Variants in MYO3A observed in about 807,000 individuals in gnomAD.
The protein encoded by MYO3A is myosin IIIA.
Under a neutral mutation model 192.7 loss-of-function variants are expected in MYO3A, and 180 were observed. The observed-to-expected ratio is 0.93, with a 90% CI of 0.83 to 1.06. MYO3A has a LOEUF of 1.06. Ranked by LOEUF, MYO3A falls within the 50% of genes least tolerant of loss-of-function variation. The probability of loss-of-function intolerance (pLI) is 0.00; values close to 1 mark genes in which losing one functional copy is unlikely to be tolerated. For synonymous variants in MYO3A, 628 were observed against 645.3 expected (o/e 0.97, Z 0.41); for missense variants, 1,896 against 1,905.0 (o/e 1.00, Z 0.09).
In MYO3A at chr10:25,990,845, C is replaced by G. The variant is rs1464135229; in HGVS notation, c.304-5645C>G. The stretch of plus-strand genomic sequence containing the variant: ...GTCCCTACAAAGGACATGAACTCAT[C>G]ATTTTTTTATGGCTGCATAGTATTC... On this transcript the variant is annotated intron_variant, in intron 4 of 34. Transcript: ENST00000642920. Among the ~76,000 whole-genome samples, 4 of 118,050 alleles carry G rather than the reference C, an allele frequency of 3.4e-5. No individual in the cohort carries two copies. In the East Asian group the frequency reaches 1.3e-3, roughly 38 times the overall value. 77.4% of individuals were successfully genotyped at this position (118,050 alleles called of 152,430 possible). A position where few individuals can be genotyped will look rare whatever the true frequency, so the allele number is the denominator to read the frequency against.
rs183265165 is a variant in MYO3A, at chr10:26,205,060, C to T, written c.4730+1953C>T. On this transcript the variant is annotated intron_variant, in intron 34 of 34. Transcript: ENST00000642920. ...TGTATATACACACACCAAGTATTGGCATTGCGCGAGAGGGTGTAAGTCTGG... is the reference window on the plus strand; with the variant it reads ...TGTATATACACACACCAAGTATTGGTATTGCGCGAGAGGGTGTAAGTCTGG... Among the ~76,000 whole-genome samples the T allele has an allele frequency of 1.4e-3, 208 of 152,316 alleles. 1 individual carries two copies. Among genetic ancestry groups the T allele is most frequent in the African/African-American group, 4.6e-3 (192 of 41,564 alleles).
intron 2 of MYO3A, among the ~76,000 whole-genome samples, chr10:25,947,745 A>T (rs1323177407): frequency 6.6e-6 from 1 of 152,146 alleles, no homozygotes; most frequent in Non-Finnish European, 1.5e-5. Context: ...TGTTGAAATC[A>T]TTTGAAATTT....
intron 17 of MYO3A, among the ~76,000 whole-genome samples, chr10:26,117,068 G>A (rs916655543): frequency 3.9e-5 from 6 of 151,948 alleles, no homozygotes; most frequent in Admixed American, 6.6e-5. Context: ...CATTCCCCTG[G>A]GCATATTTCA....
chr10:26,158,408 A>G (rs1386749918), intron 26 of MYO3A, among the ~76,000 whole-genome samples: 2 of 151,896 alleles, frequency 1.3e-5, no homozygotes, highest in East Asian at 3.9e-4. Flanking sequence ...GCCCACCACC[A>G]TGCCCAGCTA....
At chr10:26,169,667 A>T (rs1285725476) in intron 28 of MYO3A, among the ~76,000 whole-genome samples, 1 of 152,196 alleles carries the variant, frequency 6.6e-6, no homozygotes, top group African/African-American at 2.4e-5. Context: ...CATTCAAGAG[A>T]TTAACATTCC....
intron 17 of MYO3A, 70 bp downstream of exon 17, chr10:26,096,752 A>G: frequency 9.3e-7 from 1 of 1,070,314 alleles, no homozygotes. Flanking sequence ...AAGAGCATTT[A>G]TTGAGTGATT....
chr10:26,085,765 G>A (rs747651975), intron 14 of MYO3A, among the ~76,000 whole-genome samples: 1 of 152,228 alleles, frequency 6.6e-6, no homozygotes, highest in Non-Finnish European at 1.5e-5. Context: ...GTCTCCAGTC[G>A]CAATGACTGC....
At chr10:26,127,105 G>A (rs1218543391) in intron 19 of MYO3A, among the ~76,000 whole-genome samples, 1 of 151,928 alleles carries the variant, frequency 6.6e-6, no homozygotes, top group Admixed American at 6.6e-5. Context: ...TAGTTGTTGG[G>A]GTGTATCTTG....
intron 10 of MYO3A, among the ~76,000 whole-genome samples, chr10:26,062,530 A>AAAAAAAAAAAAAAAAAAAAAAACG (rs1554816581): frequency 4.0e-5 from 5 of 126,002 alleles, no homozygotes; most frequent in African/African-American, 5.7e-5. Flanking sequence ...AAAAAAAAAA[A>AAAAAAAAAAAAAAAAAAAAAAACG]AAATTATGGA....
At chr10:25,957,332 C>T (rs1341310396) in intron 4 of MYO3A, among the ~76,000 whole-genome samples, 2 of 152,116 alleles carry the variant, frequency 1.3e-5, no homozygotes, top group African/African-American at 4.8e-5. Context: ...TCTCTCCTTG[C>T]CTGCTGACAT....
At chr10:26,009,322 A>C (rs562059555) in intron 6 of MYO3A, among the ~76,000 whole-genome samples, 1 of 152,320 alleles carries the variant, frequency 6.6e-6, no homozygotes, top group African/African-American at 2.4e-5. Context: ...AGCATGGCAC[A>C]TGTATACATA....
intron 21 of MYO3A, among the ~76,000 whole-genome samples, chr10:26,143,808 G>C (rs1051701384): frequency 6.6e-6 from 1 of 152,188 alleles, no homozygotes; most frequent in Admixed American, 6.5e-5. Flanking sequence ...AATTAAGCAA[G>C]TTTAAATATT....
At chr10:26,067,854 C>CT (rs35895855) in intron 11 of MYO3A, among the ~76,000 whole-genome samples, 72,024 of 151,766 alleles carry the variant, frequency 0.47, 17,882 homozygotes, top group Middle Eastern at 0.59. Flanking sequence ...TTTTACACTG[C>CT]TGATACATGC....
At chr10:26,173,103 A>T (rs1452327879) in intron 29 of MYO3A, among the ~76,000 whole-genome samples, 2 of 151,688 alleles carry the variant, frequency 1.3e-5, no homozygotes, top group South Asian at 4.2e-4. Context: ...AGTGAAGGGG[A>T]AATCATTTTG....
chr10:26,161,007 T>A (rs574220647), intron 26 of MYO3A, among the ~76,000 whole-genome samples: 1 of 152,372 alleles, frequency 6.6e-6, no homozygotes, highest in East Asian at 1.9e-4. Context: ...ATATTTGTAA[T>A]TATTGTGCTA....
chr10:26,010,257 G>T (rs1256000778), intron 6 of MYO3A, among the ~76,000 whole-genome samples: 1 of 152,164 alleles, frequency 6.6e-6, no homozygotes, highest in Non-Finnish European at 1.5e-5. Context: ...TGGAAAGGTG[G>T]TTGGAGTGAG....
intron 4 of MYO3A, among the ~76,000 whole-genome samples, chr10:25,969,692 A>C (rs1231830962): frequency 1.3e-5 from 2 of 152,184 alleles, no homozygotes; most frequent in Non-Finnish European, 2.9e-5. Flanking sequence ...CAAATACAGC[A>C]ATGTGGTAAA....
At chr10:26,188,489 T>G (rs1258480008) in intron 31 of MYO3A, among the ~76,000 whole-genome samples, 1 of 152,224 alleles carries the variant, frequency 6.6e-6, no homozygotes, top group East Asian at 1.9e-4. Flanking sequence ...AGAAGCTCTT[T>G]AGTTTAATTA....
At chr10:26,070,472 G>T in intron 14 of MYO3A, 71 bp downstream of exon 14, 16 of 1,263,942 alleles carry the variant, frequency 1.3e-5, no homozygotes, top group Non-Finnish European at 1.7e-5. Context: ...TAACTGATTA[G>T]ATTAATATTC....
Sources: gnomAD v4.1 joint callset for allele counts (sites outside exome capture counted in the v4.1 genomes callset) on GRCh38, gnomAD v4.1.1 for gene constraint, MANE v1.5 for transcripts, NCBI Gene and HGNC (gene_info 2026-07-23, HGNC 2026-07-21) for gene names.